POLA2: variants seen among roughly 807,000 people sequenced by gnomAD.
POLA2 encodes DNA polymerase alpha 2, accessory subunit, also known as DNA polymerase alpha subunit B.
A neutral mutation model predicts 82.8 loss-of-function variants in POLA2; 47 were observed. The ratio of observed to expected loss-of-function variants is 0.57; its 90% CI spans 0.45 to 0.72. The LOEUF is 0.72. Among genes scored for constraint, POLA2 ranks in the 30% least tolerant of loss-of-function variants. POLA2 has a pLI of 0.00. For synonymous variants in POLA2, 287 were observed against 286.8 expected, an observed-to-expected ratio of 1.00 and a Z score of -0.01; for missense variants, 634 against 728.1, an observed-to-expected ratio of 0.87 and a Z score of 1.49.
At chr11:65,282,347 C>A in intron 9 of POLA2, 132 bp from the exon 10 acceptor site, 1 of 730,904 alleles carries the variant, frequency 1.4e-6, no homozygotes, top group Non-Finnish European at 2.4e-6. Flanking sequence ...CACATCCTTC[C>A]CCTGCCCTCT....
chr11:65,305,034 CCTT>C (rs930245385), intron 8 of POLA2, among the ~76,000 whole-genome samples: 12 of 150,614 alleles, frequency 8.0e-5, no homozygotes, highest in African/African-American at 7.4e-5. Context: ...CCTGACTCCC[CCTT>C]CTTCCTCCAT....
intron 17 of POLA2, chr11:65,296,502 T>A (rs1949812285): frequency 1.3e-5 from 2 of 157,736 alleles, no homozygotes; most frequent in African/African-American, 4.8e-5. Context: ...TCTCAAGAGG[T>A]TAAAAAAAAG....
rs762088462 is a variant in POLA2 at position 65,278,809 on chromosome 11, T to C, written c.541T>C (p.Ser181Pro). The C allele has an allele frequency of 1.2e-6, 2 of 1,613,796 alleles. No homozygotes were observed. The highest frequency in any genetic ancestry group is 2.2e-5 in the South Asian group (2 of 91,064). ...CTCCTTCGGCTTAGCACAGGGAGTA[T>C]CTTGGTCTGGGAGAGGAGGAGCTGG... ...VTSFGLAQGVSWSGRGGAGNI... is the reference protein window; with the variant it reads ...VTSFGLAQGVPWSGRGGAGNI... The change falls in exon 6 of 18, where the codon TCT becomes CCT. Residue 181 changes from serine to proline, a missense_variant. Transcript: ENST00000265465.
At chr11:65,288,032 G>T (rs909063413) in intron 11 of POLA2, among the ~76,000 whole-genome samples, 192 bp downstream of exon 11, 8 of 152,086 alleles carry the variant, frequency 5.3e-5, no homozygotes, top group African/African-American at 1.9e-4. Context: ...TTGGCCGGGC[G>T]CAGTGGCTCA....
At chr11:65,289,164 T>A in intron 12 of POLA2, 76 bp downstream of exon 12, 1 of 1,170,034 alleles carries the variant, frequency 8.5e-7, no homozygotes, top group South Asian at 1.3e-5. Flanking sequence ...TTTTAGTGTT[T>A]ATCCCACATC....
At chr11:65,274,579 C>T (rs578106229) in intron 4 of POLA2, among the ~76,000 whole-genome samples, 1 of 151,598 alleles carries the variant, frequency 6.6e-6, no homozygotes, top group African/African-American at 2.4e-5. Context: ...ACTCTAGAGG[C>T]TGAGGCAGCA....
chr11:65,276,939 C>T (rs997014985), intron 5 of POLA2, among the ~76,000 whole-genome samples: 1 of 151,776 alleles, frequency 6.6e-6, no homozygotes, highest in Non-Finnish European at 1.5e-5. Context: ...TACAGGCGCT[C>T]GCCACCATGC....
rs1445000235 is a variant in POLA2, at chr11:65,262,258, GTGGGCCGGCTCCCCGGCCCC to G, written c.-31_-12del. ...CTTCTTGGGCGCAGGTCGGAGCTGG[GTGGGCCGGCTCCCCGGCCCC>G]TGGCTTGGGCGACCATGTCCGCATC... On this transcript the variant is annotated 5_prime_UTR_variant, in exon 1 of 18. Coordinates refer to ENST00000265465, the MANE Select transcript of POLA2 (RefSeq NM_002689.4). 1 of 1,575,320 alleles carries G rather than the reference GTGGGCCGGCTCCCCGGCCCC, an allele frequency of 6.3e-7. No individual in the cohort carries two copies. Among genetic ancestry groups the G allele is most frequent in the Non-Finnish European group, 8.7e-7 (1 of 1,150,202 alleles).
rs1479872569 is a variant in POLA2, at chr11:65,267,581, G to C, written c.296+13G>C. On this transcript the variant is annotated intron_variant, in intron 3 of 17. Coordinates refer to ENST00000265465, the MANE Select transcript of POLA2 (RefSeq NM_002689.4). Reference sequence around the variant, plus strand: ...CCATTCAAGAGCTGTATCCTTTTCTGCTGAAGGTCTTTGCACCAAGCTACA... The same window carrying C: ...CCATTCAAGAGCTGTATCCTTTTCTCCTGAAGGTCTTTGCACCAAGCTACA... 7 of 1,528,764 alleles carry C rather than the reference G, an allele frequency of 4.6e-6. No homozygotes were observed. Among genetic ancestry groups the C allele is most frequent in the Admixed American group, 1.8e-5 (1 of 56,526 alleles). 94.7% of individuals were successfully genotyped at this position (1,528,764 alleles called of 1,614,324 possible). A position where few individuals can be genotyped will look rare whatever the true frequency, so the allele number is the denominator to read the frequency against.
intron 4 of POLA2, among the ~76,000 whole-genome samples, chr11:65,269,486 CAAAAAAAA>C (rs1294987727): frequency 1.0e-5 from 1 of 99,996 alleles, no homozygotes; most frequent in Non-Finnish European, 2.0e-5. Flanking sequence ...GACTCCGTCT[CAAAAAAAA>C]AAAAAAAAAC....
At chr11:65,299,378 G>T (rs757646111), downstream of POLA2, among the ~76,000 whole-genome samples, 1 of 152,196 alleles carries the variant, frequency 6.6e-6, no homozygotes, top group Non-Finnish European at 1.5e-5. Flanking sequence ...TCCCTTACCC[G>T]CCTCGTGGCT....
chr11:65,295,720 C>A, intron 16 of POLA2, 121 bp downstream of exon 16: 1 of 1,318,142 alleles, frequency 7.6e-7, no homozygotes, highest in Non-Finnish European at 1.1e-6. Flanking sequence ...CCTGTGATGA[C>A]AAGCCTGCAT....
intron 5 of POLA2, among the ~76,000 whole-genome samples, chr11:65,276,851 G>A (rs1337566957): frequency 1.3e-5 from 2 of 150,976 alleles, no homozygotes; most frequent in Admixed American, 6.6e-5. Context: ...GAGTGCAGTG[G>A]CACCATCTTG....
Position 65,294,195 on chromosome 11 carries a change from G to A in POLA2, c.1287G>A (p.Val429=), listed in dbSNP as rs760986232. ...HLVFVPSLRD[V]HHEPVYPQPP... is the part of the protein sequence containing the mutation. ...TCTTTGTCCCGTCATTGAGAGATGT[G>A]CACCATGAGCCTGTGTACCCCCAGC... The change falls in exon 14 of 18, where the codon GTG becomes GTA. Residue 429 remains valine, a synonymous_variant. Transcript: ENST00000265465. The A allele has an allele frequency of 9.3e-6, 15 of 1,613,938 alleles. No homozygotes were observed. Among genetic ancestry groups the A allele is most frequent in the Non-Finnish European group, 1.3e-5 (15 of 1,180,014 alleles).
chr11:65,275,580 AG>A (rs1293399636), intron 4 of POLA2, among the ~76,000 whole-genome samples: 6 of 152,322 alleles, frequency 3.9e-5, no homozygotes, highest in Admixed American at 2.0e-4. Context: ...GAAAACATAG[AG>A]GTAGGGACAG....
chr11:65,276,137 C>G (rs574002725), intron 5 of POLA2, 139 bp downstream of exon 5: 44 of 459,842 alleles, frequency 9.6e-5, no homozygotes, highest in African/African-American at 8.7e-4. Flanking sequence ...GCTTGAAAGC[C>G]TATTGCTCTC....
rs750310392 is a variant in POLA2 at position 65,294,538 on chromosome 11, C to T, written c.1354-8C>T. On this transcript the variant is annotated splice_polypyrimidine_tract_variant and splice_region_variant and intron_variant, in intron 14 of 17. Coordinates refer to ENST00000265465, the MANE Select transcript of POLA2 (RefSeq NM_002689.4). ...ACAAATGTTTGTTTCAATCCGTTCT[C>T]ATTTTAGCAAGTACAGTTTGTGTCC... The T allele has an allele frequency of 6.9e-6, 11 of 1,602,270 alleles. No individual in the cohort carries two copies. Among genetic ancestry groups the T allele is most frequent in the Non-Finnish European group, 8.5e-6 (10 of 1,171,412 alleles).
intron 11 of POLA2, among the ~76,000 whole-genome samples, chr11:65,288,060 CTT>C (rs1414518709): frequency 1.3e-5 from 2 of 152,268 alleles, no homozygotes; most frequent in East Asian, 1.9e-4. Context: ...AATCCTAACA[CTT>C]TGGGAGGCCG....
intron 2 of POLA2, 116 bp downstream of exon 2, chr11:65,266,822 C>A: frequency 1.9e-6 from 2 of 1,035,024 alleles, no homozygotes; most frequent in Non-Finnish European, 2.9e-6. Context: ...GGATTCCAGT[C>A]CCAGTGTGAG....
Sources: gnomAD v4.1 joint callset for allele counts (sites outside exome capture counted in the v4.1 genomes callset) on GRCh38, gnomAD v4.1.1 for gene constraint, MANE v1.5 for transcripts, NCBI Gene and HGNC (gene_info 2026-07-23, HGNC 2026-07-21) for gene names.